Variants in ABCD3 observed in about 807,000 individuals in gnomAD.
ABCD3 encodes ATP-binding cassette sub-family D member 3.
ABCD3 carries 41 observed loss-of-function variants against 105.5 expected under a neutral mutation model. The ratio of observed to expected loss-of-function variants is 0.39; its 90% CI spans 0.30 to 0.50. ABCD3 has a LOEUF of 0.50. ABCD3 is among the 20% of genes least tolerant of loss of function. The pLI is 0.84. For synonymous variants in ABCD3, 258 were observed against 269.0 expected, an observed-to-expected ratio of 0.96 and a Z score of 0.40; for missense variants, 622 against 806.3, an observed-to-expected ratio of 0.77 and a Z score of 2.77.
At chr1:94,438,333 C>CACACACAG (rs1436163901) in intron 1 of ABCD3, among the ~76,000 whole-genome samples, 2 of 149,832 alleles carry the variant, frequency 1.3e-5, no homozygotes, top group East Asian at 3.9e-4. Flanking sequence ...CACACACACA[C>CACACACAG]ACACACACAC....
intron 2 of ABCD3, among the ~76,000 whole-genome samples, chr1:94,459,068 A>G (rs900941138): frequency 1.3e-5 from 2 of 148,766 alleles, no homozygotes; most frequent in Admixed American, 6.7e-5. Flanking sequence ...CTTTTTACCA[A>G]CCAGGTCTCA....
At chr1:94,388,264 C>T in the ABCD3 span, among the ~76,000 whole-genome samples, 901 of 152,248 alleles carry the variant, frequency 5.9e-3, 5 homozygotes, top group African/African-American at 0.02. Context: ...TTTAAACTAA[C>T]GTCTACATGA....
upstream of ABCD3, among the ~76,000 whole-genome samples, chr1:94,418,041 G>A (rs1659089208): frequency 6.6e-6 from 1 of 152,228 alleles, no homozygotes; most frequent in South Asian, 2.1e-4. Flanking sequence ...ATCACCGCGG[G>A]AGTGGAGAGG....
chr1:94,404,957 A>G, the ABCD3 span, among the ~76,000 whole-genome samples: 59 of 151,830 alleles, frequency 3.9e-4, no homozygotes, highest in East Asian at 0.011. Flanking sequence ...AAAAAGAAAA[A>G]AAAAAACAAA....
At chr1:94,473,856 A>C (rs1263983744) in intron 5 of ABCD3, 21 bp downstream of exon 5, 1 of 1,597,656 alleles carries the variant, frequency 6.3e-7, no homozygotes. Flanking sequence ...TTCATTAAAA[A>C]TCTTTTTAAC....
At chr1:94,494,343 T>G (rs1353333217) in intron 16 of ABCD3, among the ~76,000 whole-genome samples, 1 of 152,184 alleles carries the variant, frequency 6.6e-6, no homozygotes, top group African/African-American at 2.4e-5. Context: ...TGATTCTTGT[T>G]TTCTCCTCCC....
chr1:94,467,885 A>T (rs561652938), intron 3 of ABCD3, 34 bp from the exon 4 acceptor site: 3 of 1,457,866 alleles, frequency 2.1e-6, no homozygotes, highest in Non-Finnish European at 2.9e-6. Context: ...TCTAAAATGC[A>T]TGTATTTAAT....
chr1:94,405,771 T>G, the ABCD3 span, among the ~76,000 whole-genome samples: 1 of 152,216 alleles, frequency 6.6e-6, no homozygotes, highest in Non-Finnish European at 1.5e-5. Flanking sequence ...CCTATTTTTC[T>G]GTAGGATTTT....
chr1:94,483,054 C>T lies in ABCD3; in HGVS notation c.828-116C>T. ...TGGCTTGAGATGCACCAGATAAGCT[C>T]TTAGTCACAAAATGTCCATTTAAAT... is the stretch of plus-strand genomic sequence containing the variant. On this transcript the variant is annotated intron_variant, in intron 9 of 22. Transcript: ENST00000370214. 6.8e-6 allele frequency: 5 copies of T among 738,298 alleles called. No individual in the cohort carries two copies. The East Asian group carries it at 1.4e-4, about 20-fold the overall frequency. 45.7% of individuals were successfully genotyped at this position (738,298 alleles called of 1,614,324 possible).
chr1:94,505,094 G>A (rs1259970821), intron 20 of ABCD3, among the ~76,000 whole-genome samples: 2 of 152,184 alleles, frequency 1.3e-5, no homozygotes, highest in Non-Finnish European at 2.9e-5. Flanking sequence ...GGAAAATCTA[G>A]AAATTACATT....
Position 94,475,122 on chromosome 1 carries a change from ATATT to A in ABCD3, c.406-19_406-16del, listed in dbSNP as rs1231279167. On this transcript the variant is annotated splice_polypyrimidine_tract_variant and intron_variant, in intron 5 of 22. Coordinates refer to ENST00000370214, the MANE Select transcript of ABCD3 (RefSeq NM_002858.4). ...GCAGAAATGAAAAGCAAAACCAATAATATTTGTTTGTTTGTTTTAGATCTCTCTG... is the reference window on the plus strand; with the variant it reads ...GCAGAAATGAAAAGCAAAACCAATAATGTTTGTTTGTTTTAGATCTCTCTG... 2.1e-6 allele frequency: 3 copies of A among 1,454,896 alleles called. No individual in the cohort carries two copies. Among genetic ancestry groups the A allele is most frequent in the Non-Finnish European group, 1.9e-6 (2 of 1,046,874 alleles). The allele number at this position is 1,454,896 out of a possible 1,614,324, so 90.1% of individuals were successfully genotyped here. A position where few individuals can be genotyped will look rare whatever the true frequency, so the allele number is the denominator to read the frequency against.
chr1:94,431,319 A>C (rs893624016), intron 1 of ABCD3, among the ~76,000 whole-genome samples: 1 of 152,192 alleles, frequency 6.6e-6, no homozygotes, highest in African/African-American at 2.4e-5. Flanking sequence ...GCAGGTAGAA[A>C]TCAATCAACT....
At chr1:94,483,060 C>T (rs1649101685) in intron 9 of ABCD3, 110 bp from the exon 10 acceptor site, 1 of 763,878 alleles carries the variant, frequency 1.3e-6, no homozygotes, top group Non-Finnish European at 2.3e-6. Context: ...AGCTCTTAGT[C>T]ACAAAATGTC....
intron 2 of ABCD3, among the ~76,000 whole-genome samples, chr1:94,462,330 G>A (rs1368883625): frequency 6.6e-6 from 1 of 152,150 alleles, no homozygotes; most frequent in Non-Finnish European, 1.5e-5. Flanking sequence ...GGAAAGGCTA[G>A]TAATATTATG....
the ABCD3 span, among the ~76,000 whole-genome samples, chr1:94,407,173 G>A: frequency 3.9e-5 from 6 of 152,034 alleles, no homozygotes; most frequent in East Asian, 1.9e-4. Flanking sequence ...TTTTTGAGAC[G>A]GAGTTTTGCT....
chr1:94,431,463 G>T (rs1659679740), intron 1 of ABCD3, among the ~76,000 whole-genome samples: 1 of 152,144 alleles, frequency 6.6e-6, no homozygotes, highest in African/African-American at 2.4e-5. Flanking sequence ...GAAACTCATA[G>T]ACTATTGAAA....
chr1:94,484,286 G>C (rs897101205), intron 10 of ABCD3, among the ~76,000 whole-genome samples: 1 of 152,130 alleles, frequency 6.6e-6, no homozygotes, highest in Non-Finnish European at 1.5e-5. Context: ...TCCCATTACT[G>C]GGTATATACC....
intron 22 of ABCD3, 142 bp from the exon 23 acceptor site, chr1:94,516,909 GT>G: frequency 1.4e-6 from 1 of 696,574 alleles, no homozygotes; most frequent in Non-Finnish European, 2.6e-6. Context: ...TGGTCATGGA[GT>G]TACGGAAGCA....
At chr1:94,496,369 T>A (rs1158220758) in intron 16 of ABCD3, among the ~76,000 whole-genome samples, 1 of 152,174 alleles carries the variant, frequency 6.6e-6, no homozygotes, top group Admixed American at 6.6e-5. Context: ...GCTTATTTCA[T>A]TTAGCATAAT....
Sources: gnomAD v4.1 joint callset for allele counts (sites outside exome capture counted in the v4.1 genomes callset) on GRCh38, gnomAD v4.1.1 for gene constraint, MANE v1.5 for transcripts, NCBI Gene and HGNC (gene_info 2026-07-23, HGNC 2026-07-21) for gene names.